PLA2G4B: variants seen among roughly 807,000 people sequenced by gnomAD.
PLA2G4B encodes phospholipase A2 group IVB.
PLA2G4B carries 122 observed loss-of-function variants against 95.8 expected under a neutral mutation model. The ratio of observed to expected loss-of-function variants is 1.27; its 90% CI spans 1.10 to 1.48. The LOEUF (loss-of-function observed/expected upper bound fraction) is 1.48. Among genes scored for constraint, PLA2G4B ranks in the 40% most tolerant of loss-of-function variants. The pLI, the probability that PLA2G4B is intolerant of heterozygous loss-of-function variation, is 0.00. For missense variants in PLA2G4B, 1,158 were observed against 996.2 expected, an observed-to-expected ratio of 1.16 and a Z score of -2.19; for synonymous variants, 518 against 421.5, an observed-to-expected ratio of 1.23 and a Z score of -2.80.
At position 41,846,345 on chromosome 15, in the gene PLA2G4B, A is replaced by C; in HGVS notation, c.1743A>C (p.Lys581Asn). ...HNFLRGLHFH[K>N]DYFQHPHFST... The stretch of plus-strand genomic sequence containing the variant: ...TCCTGCGTGGCCTCCATTTCCACAA[A>C]GACTACTTTCAGCATCCTCACTTCT... The change falls in exon 17 of 20, where the codon AAA becomes AAC. Residue 581 changes from lysine to asparagine, a missense_variant. Coordinates refer to ENST00000458483, the MANE Select transcript of PLA2G4B (RefSeq NM_001114633.2). The C allele has an allele frequency of 6.2e-7, 1 of 1,610,188 alleles. No individual in the cohort carries two copies. The highest frequency in any genetic ancestry group is 1.1e-5 in the South Asian group (1 of 91,026).
intron 16 of PLA2G4B, 52 bp from the exon 17 acceptor site, chr15:41,846,151 A>C (rs751497054): frequency 1.3e-6 from 2 of 1,596,168 alleles, no homozygotes; most frequent in East Asian, 4.5e-5. Context: ...GTCACCACCA[A>C]GGTGGGGATA....
At chr15:41,841,005 A>T (rs772560625) in intron 4 of PLA2G4B, 50 bp from the exon 5 acceptor site, 5 of 1,571,420 alleles carry the variant, frequency 3.2e-6, no homozygotes, top group Non-Finnish European at 3.5e-6. Flanking sequence ...TCACTGACAT[A>T]TGTGCACTCC....
At chr15:41,841,727 G>A in intron 7 of PLA2G4B, 92 bp from the exon 8 acceptor site, 1 of 1,575,342 alleles carries the variant, frequency 6.3e-7, no homozygotes, top group Non-Finnish European at 8.6e-7. Flanking sequence ...TTTCAGCGGG[G>A]AGAGGGAGGT....
chr15:41,843,587 C>T (rs1250937982), intron 10 of PLA2G4B, 89 bp from the exon 11 acceptor site: 5 of 1,541,878 alleles, frequency 3.2e-6, no homozygotes, highest in Non-Finnish European at 3.5e-6. Flanking sequence ...AGAGGGAGGG[C>T]AGTAGGTATT....
rs1369735928 is a variant in PLA2G4B, at chr15:41,838,938, G to A, written c.9+16G>A. The A allele has an allele frequency of 1.3e-6, 2 of 1,585,458 alleles. No homozygotes were observed. Among genetic ancestry groups the A allele is most frequent in the Non-Finnish European group, 1.7e-6 (2 of 1,164,344 alleles). Reference sequence around the variant, plus strand: ...CATGGCTGTGGTAAGGCCTGGCAGGGCCCTGGGTCCCTACTGGGACCCCTG... The same window carrying A: ...CATGGCTGTGGTAAGGCCTGGCAGGACCCTGGGTCCCTACTGGGACCCCTG... On this transcript the variant is annotated intron_variant, in intron 1 of 19. Coordinates refer to ENST00000458483, the MANE Select transcript of PLA2G4B (RefSeq NM_001114633.2).
At chr15:41,842,489 G>A (rs956400488) in intron 9 of PLA2G4B, 65 bp from the exon 10 acceptor site, 16 of 1,603,984 alleles carry the variant, frequency 1.0e-5, no homozygotes, top group Non-Finnish European at 1.4e-5. Context: ...GGGGATCAGG[G>A]TAAGAGGACC....
Position 41,844,992 on chromosome 15 carries a change from C to A in PLA2G4B, c.1161C>A (p.Ala387=), listed in dbSNP as rs377717902. The change falls in exon 13 of 20, where the codon GCC becomes GCA. Residue 387 remains alanine, a synonymous_variant. Coordinates refer to ENST00000458483, the MANE Select transcript of PLA2G4B (RefSeq NM_001114633.2). ...TGCAGCGGTACCGGCAGGAGCTGGCCGAGCGTGCCCGCTTGGGCTACCCAA... is the reference window on the plus strand; with the variant it reads ...TGCAGCGGTACCGGCAGGAGCTGGCAGAGCGTGCCCGCTTGGGCTACCCAA... ...SQLQRYRQEL[A]ERARLGYPSC... is the part of the protein sequence containing the mutation. 3 of 1,607,370 alleles carry A rather than the reference C, an allele frequency of 1.9e-6. No homozygotes were observed. Among genetic ancestry groups the A allele is most frequent in the East Asian group, 2.2e-5 (1 of 44,558 alleles).
At chr15:41,840,704 C>T in intron 3 of PLA2G4B, 44 bp downstream of exon 3, 1 of 1,605,748 alleles carries the variant, frequency 6.2e-7, no homozygotes. Context: ...TCCTCGCCAG[C>T]CACTGCCGCT....
intron 1 of PLA2G4B, 27 bp from the exon 2 acceptor site, chr15:41,840,131 C>T (rs1222635936): frequency 1.9e-6 from 3 of 1,609,798 alleles, no homozygotes; most frequent in Admixed American, 3.3e-5. Flanking sequence ...CGGCCCGTAG[C>T]AGGTCTCCCC....
At chr15:41,846,938 C>T in intron 18 of PLA2G4B, 103 bp downstream of exon 18, 1 of 1,401,314 alleles carries the variant, frequency 7.1e-7, no homozygotes, top group South Asian at 1.5e-5. Flanking sequence ...CCTTTAGGAG[C>T]TGTGATTGGG....
At chr15:41,842,334 C>A in intron 9 of PLA2G4B, 58 bp downstream of exon 9, 1 of 1,604,178 alleles carries the variant, frequency 6.2e-7, no homozygotes, top group Non-Finnish European at 8.5e-7. Flanking sequence ...ACCCAGGCCA[C>A]AAAGGGAGGG....
chr15:41,846,111 C>CGG, intron 16 of PLA2G4B, 64 bp downstream of exon 16: 1 of 1,574,024 alleles, frequency 6.4e-7, no homozygotes, highest in Non-Finnish European at 8.7e-7. Context: ...CACCAGGGGG[C>CGG]GGGGGGTTCA....
chr15:41,846,581 C>T (rs2065551434), intron 17 of PLA2G4B, 88 bp from the exon 18 acceptor site: 1 of 1,529,320 alleles, frequency 6.5e-7, no homozygotes, highest in East Asian at 2.3e-5. Flanking sequence ...AGCAGGAGAG[C>T]AGGGACCAGA....
Position 41,847,739 on chromosome 15 carries a change from G to A in PLA2G4B, c.2225G>A (p.Ser742Asn), listed in dbSNP as rs1335668299. The change falls in exon 20 of 20, where the codon AGC becomes AAC. Residue 742 changes from serine to asparagine, a missense_variant. By Grantham distance (46) the Ser-to-Asn change is conservative. Coordinates refer to ENST00000458483, the MANE Select transcript of PLA2G4B (RefSeq NM_001114633.2). ...SPYHYTKVTY[S>N]QEDVDKLLHL... is the part of the protein sequence containing the mutation. The stretch of plus-strand genomic sequence containing the variant: ...TACCACTACACGAAGGTGACCTACA[G>A]CCAGGAGGACGTGGACAAGCTGCTG... The A allele has an allele frequency of 6.2e-7, 1 of 1,613,640 alleles. No homozygotes were observed. Among genetic ancestry groups the A allele is most frequent in the Non-Finnish European group, 8.5e-7 (1 of 1,180,056 alleles).
At position 41,846,743 on chromosome 15, in the gene PLA2G4B, C is replaced by G. The variant is rs2065558138; in HGVS notation, c.1855C>G (p.Leu619Val). The G allele has an allele frequency of 6.2e-7, 1 of 1,614,022 alleles. No homozygotes were observed. The highest frequency in any genetic ancestry group is 8.5e-7 in the Non-Finnish European group (1 of 1,179,976). The change falls in exon 18 of 20, where the codon CTC becomes GTC. Residue 619 changes from leucine to valine, a missense_variant. Physicochemically the swap from Leu to Val is conservative, Grantham distance 32. Transcript: ENST00000458483. ...PHLCLLDVGY[L>V]INTSCLPLLQ... ...CCTGTGCCTGCTGGATGTTGGCTAC[C>G]TCATCAATACCAGCTGCCTGCCCCT...
chr15:41,848,082 GT>G lies in PLA2G4B; in HGVS notation c.*226del. On this transcript the variant is annotated 3_prime_UTR_variant, in exon 20 of 20. Transcript: ENST00000458483. ...ACCCAAAACCCCCCGGCCTGTGCCTGTTTTCCCTTCTGCGCTACCTTGAGTA... is the reference window on the plus strand; with the variant it reads ...ACCCAAAACCCCCCGGCCTGTGCCTGTTTCCCTTCTGCGCTACCTTGAGTA... The G allele has an allele frequency of 1.6e-6, 1 of 623,666 alleles. No individual in the cohort carries two copies. 38.6% of individuals were successfully genotyped at this position (623,666 alleles called of 1,614,324 possible). A position where few individuals can be genotyped will look rare whatever the true frequency, so the allele number is the denominator to read the frequency against.
chr15:41,844,674 G>A (rs1356522598), intron 12 of PLA2G4B, 67 bp downstream of exon 12: 3 of 1,609,202 alleles, frequency 1.9e-6, no homozygotes, highest in African/African-American at 2.7e-5. Flanking sequence ...GGTTCTCCTA[G>A]GCCTCTGAGA....
At chr15:41,847,545 C>G in intron 19 of PLA2G4B, 22 bp downstream of exon 19, 1 of 1,602,818 alleles carries the variant, frequency 6.2e-7, no homozygotes, top group South Asian at 1.1e-5. Flanking sequence ...TTCACCTCCC[C>G]ATCCTGCTGC....
chr15:41,847,821 C>T lies in PLA2G4B; in HGVS notation c.2307C>T (p.Arg769=). ...NNQEQLLEAL[R]QAVQRRRQRR... is the part of the protein sequence containing the mutation. ...AGGAGCAGCTGCTGGAGGCTCTGCG[C>T]CAGGCAGTGCAGCGGAGGCGGCAGC... Residue 769 remains arginine, a synonymous_variant, in exon 20 of 20, where the codon CGC becomes CGT. Coordinates refer to ENST00000458483, the MANE Select transcript of PLA2G4B (RefSeq NM_001114633.2). 6.2e-7 allele frequency: 1 copy of T among 1,608,204 alleles called. No individual in the cohort carries two copies. Among genetic ancestry groups the T allele is most frequent in the African/African-American group, 1.4e-5 (1 of 70,394 alleles).
Sources: gnomAD v4.1 joint callset for allele counts on GRCh38, gnomAD v4.1.1 for gene constraint, MANE v1.5 for transcripts, NCBI Gene and HGNC (gene_info 2026-07-23, HGNC 2026-07-21) for gene names.